The following TLCD3B variants were observed in gnomAD, a reference collection of about 807,000 sequenced individuals.
The protein encoded by TLCD3B is TLC domain containing 3B, also known as ceramide synthase.
TLCD3B carries 9 observed loss-of-function variants against 23.0 expected under a neutral mutation model. The ratio of observed to expected loss-of-function variants is 0.39; its 90% confidence interval spans 0.24 to 0.68. The LOEUF is 0.68. Among genes scored for constraint, TLCD3B ranks in the 30% least tolerant of loss-of-function variants. The probability of loss-of-function intolerance (pLI) is 0.44; values close to 1 mark genes in which losing one functional copy is unlikely to be tolerated. For synonymous variants in TLCD3B, 161 were observed against 161.0 expected, an observed-to-expected ratio of 1.00 and a Z score of 0.00; for missense variants, 307 against 371.8, an observed-to-expected ratio of 0.83 and a Z score of 1.43.
At chr16:30,045,887 G>A (rs762670496) in intron 2 of TLCD3B, among the ~76,000 whole-genome samples, 7 of 151,994 alleles carry the variant, frequency 4.6e-5, no homozygotes, top group Non-Finnish European at 8.8e-5. Flanking sequence ...TCCTGGCCTG[G>A]GTGTGCAGCC....
rs369984796 is a variant in TLCD3B at position 30,030,661 on chromosome 16, G to A, written c.-134C>T. On this transcript the variant is annotated 5_prime_UTR_variant, in exon 1 of 5. Coordinates refer to ENST00000380495, the MANE Select transcript of TLCD3B (RefSeq NM_031478.6). ...AAAACGATGAGAAGGGGCACAAAGG[G>A]GCCAGGGCGGGGACGGGATGGGGCC... The A allele has an allele frequency of 8.2e-6, 11 of 1,345,114 alleles. No homozygotes were observed. The African/African-American group carries it at 1.7e-4, about 21-fold the overall frequency. 83.3% of individuals were successfully genotyped at this position (1,345,114 alleles called of 1,614,324 possible). A position where few individuals can be genotyped will look rare whatever the true frequency, so the allele number is the denominator to read the frequency against.
rs2071331616 is a variant in TLCD3B, at chr16:30,030,708, G to T, written c.-181C>A. On this transcript the variant is annotated 5_prime_UTR_variant, in exon 1 of 5. Coordinates refer to ENST00000380495, the MANE Select transcript of TLCD3B (RefSeq NM_031478.6). Reference sequence around the variant, plus strand: ...GGCCAGGGAGTCCGATGAAACTGGGGAGTCGGGAGGGGGCTGGCTGGGCAG... The same window carrying T: ...GGCCAGGGAGTCCGATGAAACTGGGTAGTCGGGAGGGGGCTGGCTGGGCAG... 8 of 1,122,296 alleles carry T rather than the reference G, an allele frequency of 7.1e-6. No individual in the cohort carries two copies. The highest frequency in any genetic ancestry group is 8.8e-6 in the Non-Finnish European group (8 of 911,278). 69.5% of individuals were successfully genotyped at this position (1,122,296 alleles called of 1,614,324 possible). A position where few individuals can be genotyped will look rare whatever the true frequency, so the allele number is the denominator to read the frequency against.
chr16:30,030,292 C>T (rs1338292581), intron 1 of TLCD3B, 111 bp downstream of exon 1: 1 of 1,220,100 alleles, frequency 8.2e-7, no homozygotes, highest in African/African-American at 1.5e-5. Context: ...CGGACCCCCA[C>T]AGGAGCTCCC....
At chr16:30,039,101 C>CTTTTT (rs10623783) in intron 3 of TLCD3B, among the ~76,000 whole-genome samples, 1 of 120,856 alleles carries the variant, frequency 8.3e-6, no homozygotes, top group African/African-American at 3.2e-5. Flanking sequence ...CCTCCTTCCT[C>CTTTTT]TCTTTTTTTT....
At chr16:30,037,995 T>A (rs565241153) in intron 3 of TLCD3B, among the ~76,000 whole-genome samples, 37 of 152,322 alleles carry the variant, frequency 2.4e-4, no homozygotes, top group African/African-American at 8.4e-4. Flanking sequence ...GGGAAGGTAT[T>A]GACTGGGAGG....
chr16:30,028,373 C>G (rs1054741532), intron 2 of TLCD3B, among the ~76,000 whole-genome samples: 3 of 152,032 alleles, frequency 2.0e-5, no homozygotes. Context: ...GGAACAGACA[C>G]AGGGGGGCCT....
At chr16:30,033,868 AG>A (rs2071415869), upstream of TLCD3B, 1 of 151,832 alleles carries the variant, frequency 6.6e-6, no homozygotes, top group Non-Finnish European at 1.5e-5. Context: ...CGGGAGGTTG[AG>A]GCAGAAATGT....
intron 2 of TLCD3B, 188 bp from the exon 3 acceptor site, chr16:30,027,031 G>C (rs1014419030): frequency 1.5e-6 from 1 of 689,198 alleles, no homozygotes; most frequent in African/African-American, 1.8e-5. Context: ...GTAAGAGATG[G>C]TGCTGGGATT....
At position 30,025,620 on chromosome 16, in the gene TLCD3B, A is replaced by AG. The variant is rs761276367; in HGVS notation, c.540+105dup. ...CCAGGTGCTCAAAATGCACGGGGTG[A>AG]GGGGGGGATGACGAAGGGGCTAGAG... On this transcript the variant is annotated intron_variant, in intron 4 of 4. Coordinates refer to ENST00000380495, the MANE Select transcript of TLCD3B (RefSeq NM_031478.6). This position sits in a 1 kb window ranked among gnomAD's most constrained non-coding sequence, Gnocchi z 4.1. The AG allele has an allele frequency of 1.6e-5, 23 of 1,464,322 alleles. No individual in the cohort carries two copies. Among genetic ancestry groups the AG allele is most frequent in the Middle Eastern group, 1.7e-4 (1 of 5,806 alleles). 90.7% of individuals were successfully genotyped at this position (1,464,322 alleles called of 1,614,324 possible).
At chr16:30,047,363 C>T (rs2071690043) in intron 1 of TLCD3B, among the ~76,000 whole-genome samples, 1 of 152,000 alleles carries the variant, frequency 6.6e-6, no homozygotes, top group African/African-American at 2.4e-5. Context: ...CCTCTGTCAC[C>T]CAGGCTGGAG....
At chr16:30,050,852 A>G (rs1023159945) in intron 1 of TLCD3B, among the ~76,000 whole-genome samples, 1 of 152,146 alleles carries the variant, frequency 6.6e-6, no homozygotes, top group Admixed American at 6.6e-5. Context: ...AAATAGGTAT[A>G]TGGTGGCATT....
upstream of TLCD3B, among the ~76,000 whole-genome samples, chr16:30,031,442 GGGGGCCCTGAGCCCCCACA>G (rs1157057970): frequency 3.3e-5 from 5 of 152,162 alleles, no homozygotes; most frequent in Admixed American, 6.5e-5. Flanking sequence ...CCAGCTGGGA[GGGGGCCCTGAGCCCCCACA>G]GGGGCCTGAC....
At chr16:30,033,398 C>G (rs1026387379), upstream of TLCD3B, 1 of 152,218 alleles carries the variant, frequency 6.6e-6, no homozygotes, top group African/African-American at 2.4e-5. Flanking sequence ...GGTCATGGAA[C>G]TGTGGTTTCA....
At chr16:30,047,704 C>T (rs1311882011) in intron 1 of TLCD3B, among the ~76,000 whole-genome samples, 1 of 151,988 alleles carries the variant, frequency 6.6e-6, no homozygotes, top group East Asian at 1.9e-4. Flanking sequence ...GGTGATCCAC[C>T]CGCCTCAGCC....
chr16:30,035,599 G>A, upstream of TLCD3B: 1 of 1,032,710 alleles, frequency 9.7e-7, no homozygotes, highest in Admixed American at 3.2e-5. Context: ...CCATCCATCT[G>A]TGGCCATTGA....
At chr16:30,028,788 C>T (rs537297568) in intron 2 of TLCD3B, among the ~76,000 whole-genome samples, 5 of 152,300 alleles carry the variant, frequency 3.3e-5, no homozygotes, top group Non-Finnish European at 7.4e-5. Context: ...CAACTTGCAA[C>T]GGGCCACCCG....
upstream of TLCD3B, among the ~76,000 whole-genome samples, chr16:30,034,167 G>C (rs948683855): frequency 6.6e-6 from 1 of 151,390 alleles, no homozygotes; most frequent in South Asian, 2.1e-4. Flanking sequence ...AAGAAACTCA[G>C]GAGTCAGCCC....
rs569535430 is a variant in TLCD3B at position 30,029,601 on chromosome 16, C to T, written c.126-86G>A. ...CTCCTCGTTGCTAGTCTAACGACTGCGCTTTGCGTTCAGCCACTTCTCGGG... is the reference window on the plus strand; with the variant it reads ...CTCCTCGTTGCTAGTCTAACGACTGTGCTTTGCGTTCAGCCACTTCTCGGG... On this transcript the variant is annotated intron_variant, in intron 1 of 4. Transcript: ENST00000380495. This position sits in a 1 kb window ranked among gnomAD's most constrained non-coding sequence, Gnocchi z 4.6. The T allele has an allele frequency of 1.1e-5, 13 of 1,183,570 alleles. No individual in the cohort carries two copies. The highest frequency in any genetic ancestry group is 2.0e-4 in the Middle Eastern group (1 of 5,024). The allele number at this position is 1,183,570 out of a possible 1,614,324, so 73.3% of individuals were successfully genotyped here.
chr16:30,043,857 T>C (rs1383840375), intron 2 of TLCD3B, among the ~76,000 whole-genome samples: 1 of 151,450 alleles, frequency 6.6e-6, no homozygotes, highest in Admixed American at 6.6e-5. Flanking sequence ...GCTAATTTTT[T>C]GTATTTTTGG....
Sources: gnomAD v4.1 joint callset for allele counts (sites outside exome capture counted in the v4.1 genomes callset) on GRCh38, gnomAD v4.1.1 for gene constraint, Gnocchi (gnomAD v3.1) non-coding constraint, MANE v1.5 for transcripts, NCBI Gene and HGNC (gene_info 2026-07-23, HGNC 2026-07-21) for gene names.